SPTLC3: variants seen among roughly 807,000 people sequenced by gnomAD.
The protein encoded by SPTLC3 is serine palmitoyltransferase 3.
A neutral mutation model predicts 59.3 loss-of-function variants in SPTLC3; 36 were observed. That is an observed-to-expected ratio of 0.61 (90% CI 0.47 to 0.80). The LOEUF (loss-of-function observed/expected upper bound fraction) is 0.80, where lower values mean the gene tolerates loss of function less well. Among genes scored for constraint, SPTLC3 ranks in the 30% least tolerant of loss-of-function variants. The pLI, the probability that SPTLC3 is intolerant of heterozygous loss-of-function variation, is 0.00. For synonymous variants in SPTLC3, 257 were observed against 240.8 expected (o/e 1.07, Z -0.62); for missense variants, 625 against 685.1 (o/e 0.91, Z 0.98).
intron 4 of SPTLC3, among the ~76,000 whole-genome samples, chr20:13,084,812 T>C (rs1000117268): frequency 1.3e-5 from 2 of 152,146 alleles, no homozygotes; most frequent in African/African-American, 4.8e-5. Flanking sequence ...TAAGCAATCA[T>C]GGTACATTGC....
intron 9 of SPTLC3, among the ~76,000 whole-genome samples, chr20:13,135,103 A>G (rs2038212917): frequency 6.6e-6 from 1 of 152,254 alleles, no homozygotes. Flanking sequence ...GATAGTAGAC[A>G]TCTGACAGAG....
At chr20:13,140,694 G>C (rs2038361624) in intron 9 of SPTLC3, among the ~76,000 whole-genome samples, 1 of 151,884 alleles carries the variant, frequency 6.6e-6, no homozygotes, top group Admixed American at 6.6e-5. Flanking sequence ...TCAGTTATTA[G>C]GAGAAAAAAG....
At chr20:13,020,989 A>G (rs1985851637) in intron 1 of SPTLC3, among the ~76,000 whole-genome samples, 1 of 152,222 alleles carries the variant, frequency 6.6e-6, no homozygotes, top group Non-Finnish European at 1.5e-5. Context: ...CTATCATAAG[A>G]CTAATCAGTA....
chr20:13,037,835 C>A (rs1986802158), intron 1 of SPTLC3, among the ~76,000 whole-genome samples: 2 of 152,196 alleles, frequency 1.3e-5, no homozygotes, highest in East Asian at 3.9e-4. Flanking sequence ...AGATCAGGCA[C>A]CACTTTCACC....
intron 4 of SPTLC3, among the ~76,000 whole-genome samples, chr20:13,076,174 G>C (rs1334118376): frequency 1.3e-5 from 2 of 152,144 alleles, no homozygotes; most frequent in Non-Finnish European, 2.9e-5. Context: ...TAGGCAAATA[G>C]AATGACTGAA....
At chr20:13,011,168 T>G (rs948886636) in intron 1 of SPTLC3, among the ~76,000 whole-genome samples, 2 of 152,174 alleles carry the variant, frequency 1.3e-5, no homozygotes, top group Non-Finnish European at 2.9e-5. Context: ...GAGATCATAG[T>G]GTAATAGGGC....
At chr20:13,104,246 C>A (rs936934820) in intron 6 of SPTLC3, among the ~76,000 whole-genome samples, 1 of 152,080 alleles carries the variant, frequency 6.6e-6, no homozygotes, top group Non-Finnish European at 1.5e-5. Flanking sequence ...TGGCTGTGTC[C>A]CCACCCAAAT....
rs1457900516 is a variant in SPTLC3 at position 13,110,092 on chromosome 20, T to C, written c.827-20T>C. On this transcript the variant is annotated intron_variant, in intron 6 of 11. Transcript: ENST00000399002. Reference sequence around the variant, plus strand: ...TAAACCCTTTCATGACTCAATTTTTTTTTTTGGTATTATTTAAAGACACAC... The same window carrying C: ...TAAACCCTTTCATGACTCAATTTTTCTTTTTGGTATTATTTAAAGACACAC... The C allele has an allele frequency of 6.3e-7, 1 of 1,578,166 alleles. No homozygotes were observed.
intron 1 of SPTLC3, among the ~76,000 whole-genome samples, chr20:13,021,761 A>G (rs547116267): frequency 6.6e-6 from 1 of 152,304 alleles, no homozygotes; most frequent in Admixed American, 6.5e-5. Context: ...CGTGGTGACC[A>G]AACTAACGAG....
intron 10 of SPTLC3, among the ~76,000 whole-genome samples, chr20:13,154,905 G>T (rs926716115): frequency 6.6e-6 from 1 of 152,182 alleles, no homozygotes. Context: ...AACTGGCAGG[G>T]CACAGTGGCT....
Position 13,150,020 on chromosome 20 carries a change from G to A in SPTLC3, c.1280-3983G>A, listed in dbSNP as rs1216193223. Among the ~76,000 whole-genome samples, 6 of 152,272 alleles carry A rather than the reference G, an allele frequency of 3.9e-5. No individual in the cohort carries two copies. The East Asian group carries it at 5.8e-4, about 15-fold the overall frequency. On this transcript the variant is annotated intron_variant, in intron 9 of 11. Transcript: ENST00000399002. ...CTGTTCATTGTGTAGCTAATGATCC[G>A]CAAAAGTGCTGAATGCACACGGGGA...
intron 9 of SPTLC3, among the ~76,000 whole-genome samples, chr20:13,145,309 T>C (rs928492911): frequency 2.6e-5 from 4 of 152,084 alleles, no homozygotes; most frequent in African/African-American, 9.7e-5. Flanking sequence ...ACAAAATCAA[T>C]GTACTAAAAT....
intron 11 of SPTLC3, among the ~76,000 whole-genome samples, chr20:13,162,812 G>C (rs1297818241): frequency 2.0e-5 from 3 of 152,056 alleles, no homozygotes; most frequent in Admixed American, 2.0e-4. Flanking sequence ...TGCTTCCTTA[G>C]AGTCATCTCA....
intron 6 of SPTLC3, among the ~76,000 whole-genome samples, chr20:13,108,048 A>G (rs1990003889): frequency 6.6e-6 from 1 of 152,046 alleles, no homozygotes; most frequent in Non-Finnish European, 1.5e-5. Context: ...TATTCATGTC[A>G]CATGCTTTTT....
In SPTLC3 at chr20:13,009,308, T is replaced by C. The variant is rs746521199; in HGVS notation, c.41T>C (p.Leu14Pro). The C allele has an allele frequency of 2.9e-5, 47 of 1,613,920 alleles. No individual in the cohort carries two copies. Among genetic ancestry groups the C allele is most frequent in the Non-Finnish European group, 3.6e-5 (42 of 1,179,974 alleles). The change falls in exon 1 of 12, where the codon CTT becomes CCT. Residue 14 changes from leucine to proline, a missense_variant. Physicochemically the swap from Leu to Pro is moderately conservative, Grantham distance 98. Transcript: ENST00000399002. ...PGGGAVCNGK[L>P]HNHKKQSNGS... ...GGTGGTGCTGTTTGCAACGGGAAAC[T>C]TCACAATCACAAGAAACAGAGCAAT...
intron 11 of SPTLC3, chr20:13,164,345 G>T: frequency 2.1e-6 from 1 of 472,030 alleles, no homozygotes; most frequent in Non-Finnish European, 4.4e-6. Context: ...ATTCCTCTTT[G>T]TTCTTGGCCA....
At chr20:13,153,977 T>A in intron 9 of SPTLC3, 26 bp from the exon 10 acceptor site, 1 of 1,610,828 alleles carries the variant, frequency 6.2e-7, no homozygotes, top group Non-Finnish European at 8.5e-7. Flanking sequence ...TGGGAATTGA[T>A]GGATTTCACG....
chr20:13,063,634 A>T (rs1267783971), intron 2 of SPTLC3, among the ~76,000 whole-genome samples: 6 of 116,208 alleles, frequency 5.2e-5, no homozygotes, highest in East Asian at 2.6e-4. Context: ...AATTTTTTTT[A>T]AATTTTATTT....
intron 1 of SPTLC3, among the ~76,000 whole-genome samples, chr20:13,030,720 G>T (rs188641700): frequency 7.9e-5 from 12 of 152,228 alleles, no homozygotes; most frequent in African/African-American, 2.9e-4. Context: ...AGCCATGCCT[G>T]CCCCTCCCTA....
Sources: gnomAD v4.1 joint callset for allele counts (sites outside exome capture counted in the v4.1 genomes callset) on GRCh38, gnomAD v4.1.1 for gene constraint, MANE v1.5 for transcripts, NCBI Gene and HGNC (gene_info 2026-07-23, HGNC 2026-07-21) for gene names.